CNTN1: variants seen among roughly 807,000 people sequenced by gnomAD.
CNTN1 encodes the protein contactin 1, also known as contactin-1.
Under a neutral mutation model 126.4 loss-of-function variants are expected in CNTN1, and 38 were observed. The ratio of observed to expected loss-of-function variants is 0.30; its 90% CI spans 0.23 to 0.39. The LOEUF (loss-of-function observed/expected upper bound fraction) is 0.39, where lower values mean the gene tolerates loss of function less well. Ranked by LOEUF, CNTN1 falls within the 10% of genes least tolerant of loss-of-function variation. The probability of loss-of-function intolerance (pLI) is 1.00; values close to 1 mark genes in which losing one functional copy is unlikely to be tolerated. For synonymous variants in CNTN1, 413 were observed against 422.6 expected, an observed-to-expected ratio of 0.98 and a Z score of 0.28; for missense variants, 1,009 against 1,248.4, an observed-to-expected ratio of 0.81 and a Z score of 2.89.
chr12:41,018,160 T>C (rs1215779481), intron 19 of CNTN1, among the ~76,000 whole-genome samples: 3 of 152,104 alleles, frequency 2.0e-5, no homozygotes, highest in Non-Finnish European at 1.5e-5. Context: ...AATTAATGAC[T>C]AGAAAAACAA....
At chr12:40,716,607 T>C (rs1036288582) in intron 1 of CNTN1, among the ~76,000 whole-genome samples, 2 of 152,202 alleles carry the variant, frequency 1.3e-5, no homozygotes, top group African/African-American at 2.4e-5. Context: ...TTTCCAAGTA[T>C]ATCTGAAACT....
At chr12:41,036,058 G>A (rs1287133738) in intron 23 of CNTN1, among the ~76,000 whole-genome samples, 1 of 152,086 alleles carries the variant, frequency 6.6e-6, no homozygotes, top group Non-Finnish European at 1.5e-5. Flanking sequence ...AAGAAAGCAA[G>A]TCTGAGACAC....
chr12:40,921,558 A>T (rs1042187446), intron 4 of CNTN1, among the ~76,000 whole-genome samples: 147 of 152,130 alleles, frequency 9.7e-4, no homozygotes, highest in African/African-American at 3.4e-3. Context: ...TATTGTTATG[A>T]TATTATGTGG....
At chr12:41,019,169 AAAC>A (rs951747098) in intron 19 of CNTN1, among the ~76,000 whole-genome samples, 1 of 152,184 alleles carries the variant, frequency 6.6e-6, no homozygotes, top group Non-Finnish European at 1.5e-5. Context: ...AAACAAAACA[AAAC>A]AACAATGAAA....
intron 1 of CNTN1, among the ~76,000 whole-genome samples, chr12:40,728,256 C>T (rs766834116): frequency 3.4e-4 from 52 of 152,190 alleles, no homozygotes; most frequent in East Asian, 1.9e-4. Context: ...TAGATCTGTG[C>T]ATTAACTCCA....
rs147604491 is a variant in CNTN1, at chr12:40,706,012, C to G, written c.-77+13420C>G. Among the ~76,000 whole-genome samples the G allele has an allele frequency of 4.0e-4, 61 of 152,102 alleles. 2 individuals are homozygous for G. The East Asian group carries it at 0.012, about 29-fold the overall frequency. ...ACCCCAGGATCCAATCATCTCCCAC[C>G]AGGCCACACCTCCAACATTGGGTAT... On this transcript the variant is annotated intron_variant, in intron 1 of 23. Transcript: ENST00000551295.
At chr12:40,968,449 C>A (rs1012459057) in intron 15 of CNTN1, among the ~76,000 whole-genome samples, 1 of 151,884 alleles carries the variant, frequency 6.6e-6, no homozygotes, top group Non-Finnish European at 1.5e-5. Context: ...ATAGCAAAAC[C>A]AATAAATGAA....
intron 1 of CNTN1, among the ~76,000 whole-genome samples, chr12:40,883,265 C>T (rs1384470332): frequency 6.6e-6 from 1 of 151,530 alleles, no homozygotes; most frequent in Non-Finnish European, 1.5e-5. Context: ...TATTTGTTGA[C>T]TATTTCTGGT....
chr12:40,823,861 T>G (rs1454107010), intron 1 of CNTN1, among the ~76,000 whole-genome samples: 1 of 152,116 alleles, frequency 6.6e-6, no homozygotes. Context: ...CTAAAATTAT[T>G]TTCTCATTAT....
chr12:40,889,814 G>T (rs576167664), intron 1 of CNTN1, among the ~76,000 whole-genome samples: 1 of 152,220 alleles, frequency 6.6e-6, no homozygotes, highest in Non-Finnish European at 1.5e-5. Flanking sequence ...TAGGGGACAG[G>T]TACTGCCATT....
In CNTN1 at chr12:40,885,714, C is replaced by T. The variant is rs137966412; in HGVS notation, c.-76-22643C>T. On this transcript the variant is annotated intron_variant, in intron 1 of 23. Transcript: ENST00000551295. ...AAATAGTCTTAATGTCCTTTTCAAA[C>T]ATTTTTCTTCTCTAATAAATTTGAG... Among the ~76,000 whole-genome samples the T allele has an allele frequency of 1.7e-4, 26 of 152,084 alleles. No individual in the cohort carries two copies. The East Asian group carries it at 3.5e-3, about 20-fold the overall frequency.
At chr12:40,711,746 C>T (rs1200306751) in intron 1 of CNTN1, among the ~76,000 whole-genome samples, 1 of 151,986 alleles carries the variant, frequency 6.6e-6, no homozygotes, top group Non-Finnish European at 1.5e-5. Context: ...GGATCTTGCT[C>T]TGTCTTCCAT....
intron 1 of CNTN1, among the ~76,000 whole-genome samples, chr12:40,863,158 G>T (rs1377981514): frequency 1.3e-5 from 2 of 152,036 alleles, no homozygotes; most frequent in African/African-American, 4.8e-5. Flanking sequence ...TAGAATTATT[G>T]CCAAATAGAA....
intron 1 of CNTN1, among the ~76,000 whole-genome samples, chr12:40,787,618 C>T (rs4372531): frequency 0.8 from 121,598 of 152,036 alleles, 48,931 homozygotes; most frequent in South Asian, 0.86. Flanking sequence ...ACAAGAATTC[C>T]TTATTAAGTA....
intron 23 of CNTN1, among the ~76,000 whole-genome samples, chr12:41,046,852 T>C (rs972462403): frequency 2.1e-5 from 3 of 144,578 alleles, no homozygotes; most frequent in East Asian, 3.9e-4. Flanking sequence ...TATTTCTTTT[T>C]TTTTTTTTTT....
At chr12:40,925,589 ATG>A (rs1945629961) in intron 6 of CNTN1, among the ~76,000 whole-genome samples, 1 of 132,912 alleles carries the variant, frequency 7.5e-6, no homozygotes, top group African/African-American at 3.0e-5. Context: ...GTATATATAC[ATG>A]TATATATATA....
intron 21 of CNTN1, among the ~76,000 whole-genome samples, chr12:41,027,565 A>AT (rs1949060479): frequency 6.6e-6 from 1 of 152,220 alleles, no homozygotes; most frequent in Non-Finnish European, 1.5e-5. Flanking sequence ...AGTGGAGGTG[A>AT]TTGATGACCT....
At chr12:40,952,628 G>A (rs554705662) in intron 14 of CNTN1, among the ~76,000 whole-genome samples, 48 of 152,092 alleles carry the variant, frequency 3.2e-4, no homozygotes, top group Middle Eastern at 3.4e-3. Context: ...AAAATAGTAC[G>A]TATCTCATAG....
chr12:40,701,065 C>T (rs78899460), intron 1 of CNTN1, among the ~76,000 whole-genome samples: 3,271 of 152,258 alleles, frequency 0.021, 111 homozygotes, highest in African/African-American at 0.075. Flanking sequence ...AGCACCAACC[C>T]CCAGTGCTCA....
Sources: gnomAD v4.1 joint callset for allele counts (sites outside exome capture counted in the v4.1 genomes callset) on GRCh38, gnomAD v4.1.1 for gene constraint, MANE v1.5 for transcripts, NCBI Gene and HGNC (gene_info 2026-07-23, HGNC 2026-07-21) for gene names.